The following UGT2A2 variants were observed in gnomAD, a reference collection of about 807,000 sequenced individuals.
UGT2A2 encodes the protein UDP-glucuronosyltransferase 2A2.
A neutral mutation model predicts 50.7 loss-of-function variants in UGT2A2; 60 were observed. That is an observed-to-expected ratio of 1.18 (90% CI 0.96 to 1.47). The LOEUF (loss-of-function observed/expected upper bound fraction) is 1.47. Ranked by LOEUF, UGT2A2 falls within the 40% of genes most tolerant of loss-of-function variation. The pLI, the probability that UGT2A2 is intolerant of heterozygous loss-of-function variation, is 0.00. For synonymous variants in UGT2A2, 242 were observed against 214.6 expected (o/e 1.13, Z -1.11); for missense variants, 762 against 634.0 (o/e 1.20, Z -2.17).
At chr4:69,629,027 T>A (rs574331047) in intron 1 of UGT2A2, among the ~76,000 whole-genome samples, 141 of 151,662 alleles carry the variant, frequency 9.3e-4, no homozygotes, top group Non-Finnish European at 1.7e-3. Context: ...GTTATACTCT[T>A]CTCCTGAACT....
At chr4:69,599,508 C>T (rs1577951050) in intron 1 of UGT2A2, 114 bp from the exon 2 acceptor site, 3 of 1,429,214 alleles carry the variant, frequency 2.1e-6, no homozygotes, top group Admixed American at 2.4e-5. Context: ...TGAATTAGGT[C>T]TTCTAGAATA....
chr4:69,594,368 A>G, intron 5 of UGT2A2, 109 bp downstream of exon 5: 1 of 1,383,570 alleles, frequency 7.2e-7, no homozygotes, highest in Non-Finnish European at 9.8e-7. Context: ...TGGTCAGGTT[A>G]TGGTTGTTAT....
At chr4:69,627,047 G>T (rs926012867) in intron 1 of UGT2A2, among the ~76,000 whole-genome samples, 4 of 151,800 alleles carry the variant, frequency 2.6e-5, no homozygotes, top group African/African-American at 9.7e-5. Context: ...AACTCAAGAT[G>T]TATATTATAG....
intron 1 of UGT2A2, among the ~76,000 whole-genome samples, chr4:69,617,096 A>T (rs1248461556): frequency 6.6e-6 from 1 of 151,946 alleles, no homozygotes; most frequent in Non-Finnish European, 1.5e-5. Flanking sequence ...TCATCTGTAA[A>T]ATAAAGTTAG....
intron 1 of UGT2A2, among the ~76,000 whole-genome samples, chr4:69,636,459 A>T (rs1275842780): frequency 6.6e-6 from 1 of 152,182 alleles, no homozygotes; most frequent in African/African-American, 2.4e-5. Flanking sequence ...GTTCAGTAAC[A>T]TGAGAAGCAT....
chr4:69,612,637 C>G (rs1213398774), intron 1 of UGT2A2, among the ~76,000 whole-genome samples: 1 of 151,914 alleles, frequency 6.6e-6, no homozygotes, highest in Non-Finnish European at 1.5e-5. Context: ...GAAACCACTC[C>G]CTATTCAATA....
intron 1 of UGT2A2, among the ~76,000 whole-genome samples, chr4:69,600,703 G>A (rs1371394967): frequency 6.6e-6 from 1 of 152,032 alleles, no homozygotes; most frequent in Non-Finnish European, 1.5e-5. Flanking sequence ...TTCTGGGGAG[G>A]CCTCAGGAAG....
rs574381483 is a variant in UGT2A2 at position 69,622,550 on chromosome 4, A to C, written c.742+16349T>G. On this transcript the variant is annotated intron_variant, in intron 1 of 5. Transcript: ENST00000604629. ...GTTATCTATATAATAGACTCAGGGA[A>C]TCTATATAATGGATACAATATACTG... Among the ~76,000 whole-genome samples the C allele has an allele frequency of 2.0e-5, 3 of 151,904 alleles. No individual in the cohort carries two copies. In the South Asian group the frequency reaches 6.2e-4, roughly 32 times the overall value.
chr4:69,622,045 T>C lies in UGT2A2; in HGVS notation c.742+16854A>G, dbSNP rs185961933. On this transcript the variant is annotated intron_variant, in intron 1 of 5. Transcript: ENST00000604629. ...GAAGGAGGAAGAGGAAGAGAAAATA[T>C]AACTATTGAGTACTAGGCTTAATAC... Among the ~76,000 whole-genome samples, 290 of 151,856 alleles carry C rather than the reference T, an allele frequency of 1.9e-3. 2 individuals carry two copies. Among genetic ancestry groups the C allele is most frequent in the Middle Eastern group, 6.8e-3 (2 of 292 alleles).
rs1193514634 is a variant in UGT2A2 at position 69,606,271 on chromosome 4, A to C, written c.743-6877T>G. ...CTGGGACGCAAGGCTGGGTCAACAT[A>C]CGCAAATCAACAAACGTAATCCAGC... On this transcript the variant is annotated intron_variant, in intron 1 of 5. Coordinates refer to ENST00000604629, the MANE Select transcript of UGT2A2 (RefSeq NM_001105677.2). 2.9e-5 allele frequency among the ~76,000 whole-genome samples: 4 copies of C among 136,832 alleles called. 1 individual carries two copies. The East Asian group carries it at 8.2e-4, about 28-fold the overall frequency. 89.8% of individuals were successfully genotyped at this position (136,832 alleles called of 152,430 possible).
intron 3 of UGT2A2, among the ~76,000 whole-genome samples, 187 bp from the exon 4 acceptor site, chr4:69,595,436 T>C (rs1379435890): frequency 1.3e-5 from 2 of 152,258 alleles, no homozygotes; most frequent in African/African-American, 4.8e-5. Flanking sequence ...CTTGTACTAA[T>C]AGTCTACCAA....
intron 1 of UGT2A2, among the ~76,000 whole-genome samples, chr4:69,626,173 A>G (rs1835829): frequency 0.37 from 55,024 of 150,670 alleles, 10,608 homozygotes; most frequent in East Asian, 0.59. Context: ...ATTCTGTTAA[A>G]TATTTGGACG....
Position 69,589,213 on chromosome 4 carries a change from G to C in UGT2A2, c.*159C>G. 5 of 934,604 alleles carry C rather than the reference G, an allele frequency of 5.3e-6. No individual in the cohort carries two copies. The highest frequency in any genetic ancestry group is 7.4e-6 in the Non-Finnish European group (5 of 671,606). 57.9% of individuals were successfully genotyped at this position (934,604 alleles called of 1,614,324 possible). ...TAATAATAATCATGCCAAAATCTAG[G>C]CTTTATCAGTAGGCTTATCGCAGGT... On this transcript the variant is annotated 3_prime_UTR_variant, in exon 6 of 6. Coordinates refer to ENST00000604629, the MANE Select transcript of UGT2A2 (RefSeq NM_001105677.2).
chr4:69,611,537 T>C (rs1229046351), intron 1 of UGT2A2, among the ~76,000 whole-genome samples: 1 of 152,078 alleles, frequency 6.6e-6, no homozygotes, highest in Non-Finnish European at 1.5e-5. Context: ...CTACATGATA[T>C]AGCTCAGAGT....
At chr4:69,614,541 T>A (rs1455743795) in intron 1 of UGT2A2, among the ~76,000 whole-genome samples, 1 of 151,984 alleles carries the variant, frequency 6.6e-6, no homozygotes, top group Non-Finnish European at 1.5e-5. Context: ...AGAACAAAGT[T>A]GGAGGAACTA....
At position 69,603,974 on chromosome 4, in the gene UGT2A2, C is replaced by T. The variant is rs1219483989; in HGVS notation, c.743-4580G>A. The stretch of plus-strand genomic sequence containing the variant: ...CCTGAAAGTGATGGGGAGAATGGAA[C>T]CAAGTTGGAAAACACTCTGCAGGAT... On this transcript the variant is annotated intron_variant, in intron 1 of 5. Transcript: ENST00000604629. Among the ~76,000 whole-genome samples the T allele has an allele frequency of 3.7e-5, 5 of 136,392 alleles. 1 individual carries two copies. Among genetic ancestry groups the T allele is most frequent in the Non-Finnish European group, 7.8e-5 (5 of 64,132 alleles). 89.5% of individuals were successfully genotyped at this position (136,392 alleles called of 152,430 possible). A position where few individuals can be genotyped will look rare whatever the true frequency, so the allele number is the denominator to read the frequency against.
At chr4:69,599,546 G>A in intron 1 of UGT2A2, 152 bp from the exon 2 acceptor site, 3 of 1,106,174 alleles carry the variant, frequency 2.7e-6, no homozygotes, top group Non-Finnish European at 1.2e-6. Flanking sequence ...TTAAGAAGAA[G>A]GAGAAATTAA....
chr4:69,589,646 T>A lies in UGT2A2; in HGVS notation c.1337A>T (p.Lys446Ile), dbSNP rs1277622392. 1 of 1,603,160 alleles carries A rather than the reference T, an allele frequency of 6.2e-7. No homozygotes were observed. Among genetic ancestry groups the A allele is most frequent in the Non-Finnish European group, 8.5e-7 (1 of 1,174,280 alleles). The stretch of plus-strand genomic sequence containing the variant: ...TCTTGATAACCTCATAGCATTCTCT[T>A]TATAACTAGAAGACAAATAAATAGG... The part of the protein sequence containing the change: ...LRTVINEPSY[K>I]ENAMRLSRIH... Residue 446 changes from lysine (K) to isoleucine (I), a missense_variant, in exon 6 of 6, where the codon AAA becomes ATA. Physicochemically the swap from Lys to Ile is moderately radical, Grantham distance 102. Coordinates refer to ENST00000604629, the MANE Select transcript of UGT2A2 (RefSeq NM_001105677.2).
At position 69,594,657 on chromosome 4, in the gene UGT2A2, G is replaced by T. The variant is rs753479122; in HGVS notation, c.1151C>A (p.Thr384Asn). ...KTKAFITHGG[T>N]NGIYEAIYHG... is the part of the protein sequence containing the mutation. ...GTAAATAGCTTCGTAGATCCCATTA[G>T]TTCCACCATGAGTGATAAAAGCTTT... Residue 384 changes from threonine (T) to asparagine (N), a missense_variant, in exon 5 of 6, where the codon ACT becomes AAT. Transcript: ENST00000604629. 6.2e-7 allele frequency: 1 copy of T among 1,614,074 alleles called. No individual in the cohort carries two copies. The highest frequency in any genetic ancestry group is 1.1e-5 in the South Asian group (1 of 91,078).
Sources: allele counts gnomAD v4.1 joint callset (sites outside exome capture counted in the v4.1 genomes callset), GRCh38; gene constraint gnomAD v4.1.1; transcripts MANE v1.5; gene names NCBI Gene and HGNC (gene_info 2026-07-23, HGNC 2026-07-21).